The following MARK3 variants were observed in gnomAD, a reference collection of about 807,000 sequenced individuals.
MARK3 encodes the protein microtubule affinity regulating kinase 3.
MARK3 carries 46 observed loss-of-function variants against 90.1 expected under a neutral mutation model. The observed-to-expected ratio is 0.51, with a 90% CI of 0.40 to 0.65. The LOEUF is 0.65. Ranked by LOEUF, MARK3 falls within the 30% of genes least tolerant of loss-of-function variation. The pLI, the probability that MARK3 is intolerant of heterozygous loss-of-function variation, is 0.00. For synonymous variants in MARK3, 321 were observed against 332.6 expected, an observed-to-expected ratio of 0.97 and a Z score of 0.38; for missense variants, 818 against 947.2, an observed-to-expected ratio of 0.86 and a Z score of 1.79.
chr14:103,445,331 C>CA (rs1389712202), intron 3 of MARK3, among the ~76,000 whole-genome samples: 1 of 152,208 alleles, frequency 6.6e-6, no homozygotes, highest in Non-Finnish European at 1.5e-5. Flanking sequence ...TCAGACACAG[C>CA]AGGCACTAGA....
chr14:103,481,442 G>A (rs2093816362), intron 14 of MARK3, among the ~76,000 whole-genome samples: 1 of 152,100 alleles, frequency 6.6e-6, no homozygotes, highest in African/African-American at 2.4e-5. Flanking sequence ...CAAAATGTTT[G>A]ATCACTACAT....
At chr14:103,481,852 C>T (rs1420222285) in intron 14 of MARK3, among the ~76,000 whole-genome samples, 3 of 144,044 alleles carry the variant, frequency 2.1e-5, no homozygotes, top group African/African-American at 5.1e-5. Flanking sequence ...CTGCAAGCTC[C>T]GCCTCCCGGG....
At chr14:103,499,831 G>C (rs750071489) in intron 16 of MARK3, 8 of 294,408 alleles carry the variant, frequency 2.7e-5, no homozygotes, top group African/African-American at 1.6e-4. Context: ...AGGCTGAAGA[G>C]CCAGCAGGAG....
chr14:103,400,748 C>G (rs2090902917), intron 1 of MARK3, among the ~76,000 whole-genome samples: 2 of 151,594 alleles, frequency 1.3e-5, no homozygotes, highest in South Asian at 2.1e-4. Flanking sequence ...ATTAAAACAT[C>G]AGCCATGTGT....
chr14:103,455,357 A>G (rs888000582), intron 5 of MARK3, among the ~76,000 whole-genome samples: 1 of 152,246 alleles, frequency 6.6e-6, no homozygotes, highest in Non-Finnish European at 1.5e-5. Context: ...TACCGAGCTG[A>G]CATTTAACTT....
intron 3 of MARK3, among the ~76,000 whole-genome samples, chr14:103,444,086 C>CTTTTTTTTTTTTTTTTTTTTTTTATTTTT: frequency 8.6e-6 from 1 of 116,406 alleles, no homozygotes; most frequent in Non-Finnish European, 1.7e-5. Context: ...GTAAAATTGT[C>CTTTTTTTTTTTTTTTTTTTTTTTATTTTT]TTTTTTTTTT....
intron 5 of MARK3, among the ~76,000 whole-genome samples, chr14:103,455,466 C>T (rs909865582): frequency 3.3e-5 from 5 of 152,140 alleles, no homozygotes; most frequent in African/African-American, 9.7e-5. Context: ...GTGGCTCACG[C>T]GTGTAATCCC....
chr14:103,451,001 G>C (rs1458894219), intron 4 of MARK3, among the ~76,000 whole-genome samples: 1 of 138,106 alleles, frequency 7.2e-6, no homozygotes, highest in Non-Finnish European at 1.5e-5. Flanking sequence ...CATGATCTCA[G>C]GTCACTGCAA....
intron 2 of MARK3, among the ~76,000 whole-genome samples, chr14:103,411,571 G>T (rs973844111): frequency 1.3e-5 from 2 of 151,936 alleles, no homozygotes; most frequent in Admixed American, 1.3e-4. Flanking sequence ...TACTGCAGCT[G>T]TGGATTGTAT....
chr14:103,434,302 G>A (rs34411783), intron 3 of MARK3, among the ~76,000 whole-genome samples: 51,849 of 151,982 alleles, frequency 0.34, 9,343 homozygotes, highest in East Asian at 0.5. Flanking sequence ...GCAACGAGAA[G>A]TGTCATGAAC....
At chr14:103,446,141 G>A (rs1211295853) in intron 3 of MARK3, among the ~76,000 whole-genome samples, 1 of 152,170 alleles carries the variant, frequency 6.6e-6, no homozygotes. Context: ...GATGGGCTAT[G>A]ATGTAAAACA....
At chr14:103,409,913 T>C (rs2091534942) in intron 2 of MARK3, among the ~76,000 whole-genome samples, 1 of 152,208 alleles carries the variant, frequency 6.6e-6, no homozygotes, top group Non-Finnish European at 1.5e-5. Context: ...CGTGTCCTTG[T>C]TAAGTGTTTC....
intron 17 of MARK3, 129 bp downstream of exon 17, chr14:103,500,329 G>T: frequency 1.5e-6 from 1 of 669,546 alleles, no homozygotes. Flanking sequence ...TAGAGAGGGT[G>T]GCCACAAGGG....
chr14:103,432,157 C>A (rs1032530788), intron 3 of MARK3, among the ~76,000 whole-genome samples: 9 of 152,164 alleles, frequency 5.9e-5, no homozygotes, highest in Non-Finnish European at 1.2e-4. Context: ...CAAGACTTTT[C>A]AATGGAGAAT....
chr14:103,466,571 TC>T (rs1449026928), intron 10 of MARK3, 129 bp downstream of exon 10: 1 of 612,526 alleles, frequency 1.6e-6, no homozygotes, highest in Non-Finnish European at 2.9e-6. Flanking sequence ...GTTTATCTGT[TC>T]TGTCATATTT....
rs972191236 is a variant in MARK3 at position 103,452,784 on chromosome 14, T to C, written c.412+801T>C. Among the ~76,000 whole-genome samples, 4 of 152,202 alleles carry C rather than the reference T, an allele frequency of 2.6e-5. No individual in the cohort carries two copies. The East Asian group carries it at 7.7e-4, about 29-fold the overall frequency. On this transcript the variant is annotated intron_variant, in intron 5 of 17. Coordinates refer to ENST00000429436, the MANE Select transcript of MARK3 (RefSeq NM_001128918.3). ...CCGCGCCCGGCCAGGATTTGTCTTT[T>C]TGTGTCTGGCTGATTGATGCAGCAT...
chr14:103,480,312 T>G, intron 13 of MARK3, 75 bp from the exon 14 acceptor site: 5 of 867,162 alleles, frequency 5.8e-6, no homozygotes, highest in Non-Finnish European at 9.4e-6. Flanking sequence ...TTCCTATTTA[T>G]GTAGATAAGT....
intron 6 of MARK3, among the ~76,000 whole-genome samples, chr14:103,458,454 CAAAAAAAAAA>C (rs36020485): frequency 3.2e-5 from 1 of 30,776 alleles, no homozygotes; most frequent in Admixed American, 5.2e-4. Flanking sequence ...GACTCCATCT[CAAAAAAAAAA>C]AAAAAAAAAA....
intron 3 of MARK3, among the ~76,000 whole-genome samples, chr14:103,440,606 CAAAA>C (rs973455673): frequency 2.0e-5 from 3 of 150,618 alleles, no homozygotes; most frequent in African/African-American, 7.3e-5. Context: ...CTCAAAAAAA[CAAAA>C]AAATTGTGCT....
Sources: allele counts gnomAD v4.1 joint callset (sites outside exome capture counted in the v4.1 genomes callset), GRCh38; gene constraint gnomAD v4.1.1; transcripts MANE v1.5; gene names NCBI Gene and HGNC (gene_info 2026-07-23, HGNC 2026-07-21).